The following TLE6 variants were observed in gnomAD, a reference collection of about 807,000 sequenced individuals.
TLE6 encodes the protein TLE family member 6, subcortical maternal complex member.
In TLE6, 72 loss-of-function variants were observed where a neutral mutation model predicts 77.1. The observed-to-expected ratio is 0.93, with a 90% CI of 0.77 to 1.14. The LOEUF is 1.14. Ranked by LOEUF, TLE6 falls within the 50% of genes most tolerant of loss-of-function variation. The pLI is 0.00. For synonymous variants in TLE6, 366 were observed against 287.3 expected (o/e 1.27, Z -2.77); for missense variants, 843 against 747.6 (o/e 1.13, Z -1.49).
chr19:2,984,714 C>T (rs941586097), intron 5 of TLE6, among the ~76,000 whole-genome samples: 4 of 152,084 alleles, frequency 2.6e-5, no homozygotes, highest in East Asian at 3.9e-4. Flanking sequence ...GTGATCCGCC[C>T]GCCTCAGCCT....
At chr19:2,991,437 A>T (rs2089061788) in intron 13 of TLE6, among the ~76,000 whole-genome samples, 1 of 148,512 alleles carries the variant, frequency 6.7e-6, no homozygotes, top group Non-Finnish European at 1.5e-5. Flanking sequence ...TATATATAAT[A>T]TATGTATTTA....
chr19:2,990,077 T>G (rs890394339), intron 13 of TLE6, among the ~76,000 whole-genome samples: 1 of 152,126 alleles, frequency 6.6e-6, no homozygotes, highest in East Asian at 1.9e-4. Flanking sequence ...ACTCAAAGGC[T>G]TGTTAGAGGG....
At chr19:2,988,887 C>A in intron 11 of TLE6, 174 bp from the exon 12 acceptor site, 1 of 943,310 alleles carries the variant, frequency 1.1e-6, no homozygotes, top group Non-Finnish European at 1.5e-6. Context: ...GGCAAAGGGA[C>A]AATACTTGAA....
rs896854076 is a variant in TLE6, at chr19:2,995,046, TCCCCCCCCTTC to T, written c.*51_*61del. On this transcript the variant is annotated 3_prime_UTR_variant, in exon 17 of 17. Transcript: ENST00000246112. ...CATCCCACTCCGGCTCCTCTTTTCATCCCCCCCCTTCCCCCCCCCCAACAAGGGGGACATGG... is the reference window on the plus strand; with the variant it reads ...CATCCCACTCCGGCTCCTCTTTTCATCCCCCCCCCAACAAGGGGGACATGG... 9 of 996,050 alleles carry T rather than the reference TCCCCCCCCTTC, an allele frequency of 9.0e-6. No homozygotes were observed. Among genetic ancestry groups the T allele is most frequent in the Non-Finnish European group, 1.3e-5 (9 of 694,038 alleles). The allele number at this position is 996,050 out of a possible 1,614,324, so 61.7% of individuals were successfully genotyped here. A position where few individuals can be genotyped will look rare whatever the true frequency, so the allele number is the denominator to read the frequency against.
intron 14 of TLE6, among the ~76,000 whole-genome samples, chr19:2,992,793 A>AACGGGGGGGGGGGGGGG (rs1487334518): frequency 5.1e-5 from 1 of 19,760 alleles, no homozygotes; most frequent in South Asian, 2.6e-3. Context: ...AAAAAAAAAA[A>AACGGGGGGGGGGGGGGG]GGGGGGGAGG....
Position 2,989,127 on chromosome 19 carries a change from G to C in TLE6, c.807G>C (p.Lys269Asn). The change falls in exon 12 of 17, where the codon AAG becomes AAC. Residue 269 changes from lysine (K) to asparagine (N), a missense_variant. Transcript: ENST00000246112. ...KRPDALPGQS[K>N]RLAVPCKLEK... is the part of the protein sequence containing the mutation. ...CAGATGCCTTGCCCGGGCAGTCAAA[G>C]AGACTCGCCGTCCCGTGCAAACTGG... 1 of 1,614,168 alleles carries C rather than the reference G, an allele frequency of 6.2e-7. No individual in the cohort carries two copies. Among genetic ancestry groups the C allele is most frequent in the Non-Finnish European group, 8.5e-7 (1 of 1,180,052 alleles).
At position 2,993,468 on chromosome 19, in the gene TLE6, G is replaced by C; in HGVS notation, c.1423G>C (p.Val475Leu). 3.7e-6 allele frequency: 6 copies of C among 1,603,744 alleles called. No individual in the cohort carries two copies. The highest frequency in any genetic ancestry group is 5.1e-6 in the Non-Finnish European group (6 of 1,172,392). The change falls in exon 15 of 17, where the codon GTG becomes CTG. Residue 475 changes from valine to leucine, a missense_variant. Coordinates refer to ENST00000246112, the MANE Select transcript of TLE6 (RefSeq NM_001143986.2). ...SLSHSPQEDWVLLGMANGQQW... is the reference protein window; with the variant it reads ...SLSHSPQEDWLLLGMANGQQW... ...GTCCCACAGCCCCCAGGAGGACTGG[G>C]TGCTGCTGGGCATGGCCAATGGCCA...
chr19:2,988,666 C>T (rs1344373804), intron 11 of TLE6, among the ~76,000 whole-genome samples: 1 of 152,052 alleles, frequency 6.6e-6, no homozygotes, highest in Non-Finnish European at 1.5e-5. Context: ...TTGGGGAAGA[C>T]TTTTTCATGG....
At chr19:2,981,347 C>CA (rs34622024) in intron 3 of TLE6, among the ~76,000 whole-genome samples, 191 bp from the exon 4 acceptor site, 35,775 of 114,980 alleles carry the variant, frequency 0.31, 5,523 homozygotes, top group East Asian at 0.66. Flanking sequence ...GACTCTGTCT[C>CA]AAAAAAAAAA....
chr19:2,991,726 A>C, intron 13 of TLE6, 117 bp from the exon 14 acceptor site: 26 of 950,396 alleles, frequency 2.7e-5, no homozygotes, highest in Non-Finnish European at 3.7e-5. Flanking sequence ...CTGTGCAGGC[A>C]GAGATTTTTG....
At chr19:2,987,494 T>TC (rs1444509449) in intron 8 of TLE6, 122 bp downstream of exon 8, 4 of 1,428,184 alleles carry the variant, frequency 2.8e-6, no homozygotes, top group Admixed American at 3.4e-5. Context: ...GCCCCTCGGG[T>TC]CCCCCGGGGG....
rs201798976 is a variant in TLE6 at position 2,989,191 on chromosome 19, G to A, written c.871G>A (p.Ala291Thr). Reference protein sequence around the residue: ...RILAHGELVLATAISSFTRHV... With the variant: ...RILAHGELVLTTAISSFTRHV... ...CTTGGCACACGGGGAGCTCGTGCTCGCCACGGCCATCAGCAGCTTCACGCG... is the reference window on the plus strand; with the variant it reads ...CTTGGCACACGGGGAGCTCGTGCTCACCACGGCCATCAGCAGCTTCACGCG... The change falls in exon 12 of 17, where the codon GCC (alanine) becomes ACC (threonine). Residue 291 changes from alanine (A) to threonine (T), a missense_variant. Transcript: ENST00000246112. 55 of 1,613,994 alleles carry A rather than the reference G, an allele frequency of 3.4e-5. No individual in the cohort carries two copies. Among genetic ancestry groups the A allele is most frequent in the South Asian group, 1.2e-4 (11 of 91,092 alleles).
In TLE6 at chr19:2,992,804, CGGGTG is replaced by C. The variant is rs1568219756; in HGVS notation, c.1387-624_1387-620del. On this transcript the variant is annotated intron_variant, in intron 14 of 16. Transcript: ENST00000246112. Reference sequence around the variant, plus strand: ...CAAAAAAAAAAAAAAGGGGGGGAGGCGGGTGGGGGGGGGGGAGGATGAACTCTGGG... The same window carrying C: ...CAAAAAAAAAAAAAAGGGGGGGAGGCGGGGGGGGGGAGGATGAACTCTGGG... Among the ~76,000 whole-genome samples, 7 of 5,438 alleles carry C rather than the reference CGGGTG, an allele frequency of 1.3e-3. 1 individual carries two copies. The highest frequency in any genetic ancestry group is 5.1e-3 in the African/African-American group (7 of 1,366). 3.6% of individuals were successfully genotyped at this position (5,438 alleles called of 152,430 possible).
chr19:2,986,749 G>A (rs1340918757), intron 5 of TLE6, 80 bp from the exon 6 acceptor site: 4 of 1,363,950 alleles, frequency 2.9e-6, no homozygotes, highest in Non-Finnish European at 4.1e-6. Flanking sequence ...TTCTTCTACA[G>A]GTGGGGATAA....
intron 2 of TLE6, among the ~76,000 whole-genome samples, chr19:2,978,645 A>C (rs2088729358): frequency 1.3e-5 from 2 of 152,130 alleles, no homozygotes; most frequent in South Asian, 4.1e-4. Flanking sequence ...AGTTGCAGCT[A>C]CTTGGGAGGC....
At chr19:2,978,001 C>T (rs1398156974) in intron 1 of TLE6, among the ~76,000 whole-genome samples, 197 bp from the exon 2 acceptor site, 1 of 152,018 alleles carries the variant, frequency 6.6e-6, no homozygotes, top group Non-Finnish European at 1.5e-5. Flanking sequence ...TTTCTGGGTC[C>T]CCGCCCCCAT....
chr19:2,979,028 T>C (rs1476440160), intron 2 of TLE6, among the ~76,000 whole-genome samples: 2 of 152,166 alleles, frequency 1.3e-5, no homozygotes, highest in Non-Finnish European at 1.5e-5. Flanking sequence ...CTCAGCTCAC[T>C]GCAACCTCTG....
Position 2,982,188 on chromosome 19 carries a change from A to C in TLE6, c.221A>C (p.Gln74Pro). The C allele has an allele frequency of 6.4e-7, 1 of 1,551,426 alleles. No homozygotes were observed. Among genetic ancestry groups the C allele is most frequent in the South Asian group, 1.2e-5 (1 of 84,056 alleles). Reference sequence around the variant, plus strand: ...CAGGATGTGGCAGAACATCACAAGCAGGTGGGTGACCAGGAGCTCAGGGGT... The same window carrying C: ...CAGGATGTGGCAGAACATCACAAGCCGGTGGGTGACCAGGAGCTCAGGGGT... ...IQQDVAEHHK[Q>P]IGNVLQIVES... Residue 74 changes from glutamine (Q) to proline (P), a missense_variant and splice_region_variant, in exon 5 of 17, where the codon CAG (glutamine) becomes CCG (proline). By Grantham distance (76) the Gln-to-Pro change is moderately conservative. Coordinates refer to ENST00000246112, the MANE Select transcript of TLE6 (RefSeq NM_001143986.2).
At chr19:2,982,125 G>A in intron 4 of TLE6, 23 bp from the exon 5 acceptor site, 1 of 1,551,456 alleles carries the variant, frequency 6.4e-7, no homozygotes, top group Non-Finnish European at 8.7e-7. Context: ...CCTCCCGATG[G>A]GATCTCTGTT....
Sources: allele counts gnomAD v4.1 joint callset (sites outside exome capture counted in the v4.1 genomes callset), GRCh38; gene constraint gnomAD v4.1.1; transcripts MANE v1.5; gene names NCBI Gene and HGNC (gene_info 2026-07-23, HGNC 2026-07-21).